The following SFI1 variants were observed in gnomAD, a reference collection of about 807,000 sequenced individuals.
SFI1 encodes the protein protein SFI1 homolog.
SFI1 carries 195 observed loss-of-function variants against 207.5 expected under a neutral mutation model. That is an observed-to-expected ratio of 0.94 (90% CI 0.84 to 1.06). The LOEUF (loss-of-function observed/expected upper bound fraction) is 1.06, where lower values mean the gene tolerates loss of function less well. Ranked by LOEUF, SFI1 falls within the 50% of genes least tolerant of loss-of-function variation. SFI1 has a pLI of 0.00. For synonymous variants in SFI1, 630 were observed against 598.9 expected (o/e 1.05, Z -0.76); for missense variants, 1,634 against 1,588.0 (o/e 1.03, Z -0.49).
intron 6 of SFI1, among the ~76,000 whole-genome samples, chr22:31,554,258 C>G (rs2060941521): frequency 6.6e-6 from 1 of 151,934 alleles, no homozygotes. Flanking sequence ...ACATATGGAT[C>G]TTGTATATCC....
At chr22:31,503,954 C>CA (rs1366681444) in intron 1 of SFI1, among the ~76,000 whole-genome samples, 2 of 152,036 alleles carry the variant, frequency 1.3e-5, no homozygotes, top group Non-Finnish European at 2.9e-5. Context: ...TATATTCATA[C>CA]ATGTCCTTAT....
At chr22:31,552,009 A>G (rs2060665926) in intron 6 of SFI1, among the ~76,000 whole-genome samples, 1 of 152,014 alleles carries the variant, frequency 6.6e-6, no homozygotes, top group South Asian at 2.1e-4. Context: ...TAATTTTTCA[A>G]CCCTTGGGCC....
At position 31,511,800 on chromosome 22, in the gene SFI1, A is replaced by G. The variant is rs564601662; in HGVS notation, c.92+3424A>G. ...CCCGAGTAACTGGGATTACAGGTAC[A>G]TGCCACCACGCCCAGGTAATTTTTT... is the stretch of plus-strand genomic sequence containing the variant. On this transcript the variant is annotated intron_variant, in intron 2 of 32. Transcript: ENST00000400288. 1.3e-4 allele frequency among the ~76,000 whole-genome samples: 19 copies of G among 151,994 alleles called. 1 individual carries two copies. In the South Asian group the frequency reaches 3.7e-3, roughly 30 times the overall value.
At chr22:31,497,351 A>G in intron 1 of SFI1, 1 of 152,214 alleles carries the variant, frequency 6.6e-6, no homozygotes, top group East Asian at 1.9e-4. Context: ...ACACTTTGGT[A>G]ACTATCGCTA....
chr22:31,527,289 C>T (rs1468080813), intron 2 of SFI1, among the ~76,000 whole-genome samples: 4 of 152,186 alleles, frequency 2.6e-5, no homozygotes, highest in African/African-American at 7.2e-5. Flanking sequence ...TTACCCCGTG[C>T]CCTGCAAATA....
chr22:31,540,366 C>T (rs1197730378), intron 4 of SFI1, among the ~76,000 whole-genome samples: 1 of 151,920 alleles, frequency 6.6e-6, no homozygotes, highest in African/African-American at 2.4e-5. Flanking sequence ...ACTGTAACCT[C>T]CACCTCCCAG....
chr22:31,499,067 T>A (rs1419193480), intron 1 of SFI1, among the ~76,000 whole-genome samples: 2 of 152,010 alleles, frequency 1.3e-5, no homozygotes, highest in African/African-American at 4.8e-5. Context: ...TGGAGTGCAG[T>A]GGTGATCATG....
chr22:31,500,784 GTTTGTTTTGTTTTTGTTT>G (rs2146348030), intron 1 of SFI1, among the ~76,000 whole-genome samples: 1 of 138,544 alleles, frequency 7.2e-6, no homozygotes, highest in African/African-American at 2.8e-5. Flanking sequence ...GTGTGTGTGT[GTTTGTTTTGTTTTTGTTT>G]TTTGTTTTTT....
chr22:31,564,508 T>A (rs2062055366), intron 8 of SFI1, among the ~76,000 whole-genome samples: 2 of 152,078 alleles, frequency 1.3e-5, no homozygotes, highest in African/African-American at 4.8e-5. Flanking sequence ...GAATTTTTTT[T>A]AAGTTATTTT....
chr22:31,568,222 A>T (rs1359894164), intron 8 of SFI1, among the ~76,000 whole-genome samples: 6 of 128,298 alleles, frequency 4.7e-5, no homozygotes, highest in Non-Finnish European at 8.4e-5. Flanking sequence ...ATATATATAT[A>T]TATATTTTTT....
chr22:31,497,862 C>T (rs1324051774), intron 1 of SFI1, among the ~76,000 whole-genome samples: 1 of 152,174 alleles, frequency 6.6e-6, no homozygotes, highest in Non-Finnish European at 1.5e-5. Flanking sequence ...TGGTCATTAA[C>T]AAGGCACCTG....
chr22:31,521,441 G>A (rs2057240610), intron 2 of SFI1: 1 of 161,816 alleles, frequency 6.2e-6, no homozygotes, highest in Admixed American at 6.1e-5. Flanking sequence ...TGGCAGTCAC[G>A]CCCCTACACA....
intron 27 of SFI1, chr22:31,614,207 C>T (rs1682968897): frequency 2.8e-6 from 1 of 353,886 alleles, no homozygotes; most frequent in African/African-American, 2.0e-5. Context: ...CTACCCGTGC[C>T]TGCCGGCCTC....
At chr22:31,614,450 T>C in intron 27 of SFI1, 3 of 478,028 alleles carry the variant, frequency 6.3e-6, no homozygotes, top group Non-Finnish European at 8.1e-6. Flanking sequence ...CGGTCCCTGC[T>C]GTGCTCCTCA....
At chr22:31,559,850 C>T (rs543144709) in intron 7 of SFI1, 6 of 686,654 alleles carry the variant, frequency 8.7e-6, no homozygotes, top group Admixed American at 5.5e-5. Flanking sequence ...TAGAGGACCG[C>T]ACCACTTCTG....
chr22:31,516,679 G>T (rs1779017539), intron 2 of SFI1, among the ~76,000 whole-genome samples: 2 of 151,976 alleles, frequency 1.3e-5, no homozygotes, highest in Non-Finnish European at 2.9e-5. Context: ...GTCAGGCCAG[G>T]AGTGGTGGTT....
At chr22:31,514,337 C>T (rs2056142319) in intron 2 of SFI1, among the ~76,000 whole-genome samples, 1 of 151,048 alleles carries the variant, frequency 6.6e-6, no homozygotes. Flanking sequence ...AACCCTGTCT[C>T]TACTAAAAAT....
intron 4 of SFI1, among the ~76,000 whole-genome samples, chr22:31,541,938 T>TAA (rs1394603780): frequency 6.6e-6 from 1 of 150,716 alleles, no homozygotes; most frequent in Non-Finnish European, 1.5e-5. Flanking sequence ...CCGTCTCTAC[T>TAA]AAAAATACAA....
intron 6 of SFI1, among the ~76,000 whole-genome samples, chr22:31,553,633 A>G (rs944963713): frequency 1.3e-5 from 2 of 148,236 alleles, no homozygotes; most frequent in Non-Finnish European, 3.0e-5. Flanking sequence ...TCGGCCTCCC[A>G]AAGTGCTGGG....
Sources: allele counts gnomAD v4.1 joint callset (sites outside exome capture counted in the v4.1 genomes callset), GRCh38; gene constraint gnomAD v4.1.1; transcripts MANE v1.5; gene names NCBI Gene and HGNC (gene_info 2026-07-23, HGNC 2026-07-21).